Variants in VPS26A observed in about 807,000 individuals in gnomAD.
The protein encoded by VPS26A is vacuolar protein sorting-associated protein 26A.
A neutral mutation model predicts 42.4 loss-of-function variants in VPS26A; 22 were observed. The ratio of observed to expected loss-of-function variants is 0.52; its 90% CI spans 0.37 to 0.74. The LOEUF is 0.74. Among genes scored for constraint, VPS26A ranks in the 30% least tolerant of loss-of-function variants. The pLI is 0.00. For missense variants in VPS26A, 276 were observed against 379.2 expected, an observed-to-expected ratio of 0.73 and a Z score of 2.26; for synonymous variants, 110 against 123.5, an observed-to-expected ratio of 0.89 and a Z score of 0.73.
At chr10:69,130,868 A>C (rs1053458219) in intron 1 of VPS26A, among the ~76,000 whole-genome samples, 2 of 152,006 alleles carry the variant, frequency 1.3e-5, no homozygotes, top group African/African-American at 4.8e-5. Context: ...TATCTCCTCT[A>C]ATTCTATTGC....
At position 69,124,257 on chromosome 10, in the gene VPS26A, G is replaced by T. The variant is rs5030909; in HGVS notation, c.-21G>T. The T allele has an allele frequency of 7.8e-7, 1 of 1,282,580 alleles. No homozygotes were observed. Among genetic ancestry groups the T allele is most frequent in the African/African-American group, 1.5e-5 (1 of 65,704 alleles). The allele number at this position is 1,282,580 out of a possible 1,614,324, so 79.4% of individuals were successfully genotyped here. Reference sequence around the variant, plus strand: ...GAGGGAAGAGGAGTGGAGTAGGGGGGACGCGGCGGCGGCGTTGACAATGGT... The same window carrying T: ...GAGGGAAGAGGAGTGGAGTAGGGGGTACGCGGCGGCGGCGTTGACAATGGT... On this transcript the variant is annotated 5_prime_UTR_variant, in exon 1 of 9. Coordinates refer to ENST00000263559, the MANE Select transcript of VPS26A (RefSeq NM_004896.5).
chr10:69,142,165 G>T (rs778505107), intron 2 of VPS26A, among the ~76,000 whole-genome samples: 4 of 148,836 alleles, frequency 2.7e-5, no homozygotes, highest in Non-Finnish European at 5.9e-5. Flanking sequence ...TTATAGGCGT[G>T]AGCCACCATA....
intron 8 of VPS26A, 143 bp from the exon 9 acceptor site, chr10:69,171,009 GAAGA>G (rs888791495): frequency 5.7e-5 from 37 of 646,238 alleles, no homozygotes; most frequent in Non-Finnish European, 9.4e-5. Flanking sequence ...ATTAGAGCTG[GAAGA>G]AAGTGGAAAA....
At chr10:69,142,073 C>T (rs1169329599) in intron 2 of VPS26A, among the ~76,000 whole-genome samples, 1 of 151,474 alleles carries the variant, frequency 6.6e-6, no homozygotes, top group Admixed American at 6.6e-5. Context: ...TTAGTAGAGA[C>T]GGGGTTTCAC....
intron 2 of VPS26A, among the ~76,000 whole-genome samples, chr10:69,143,069 A>C (rs184693248): frequency 4.3e-4 from 66 of 152,352 alleles, no homozygotes; most frequent in Admixed American, 9.8e-4. Flanking sequence ...TAAATAGGTG[A>C]TCAGTGAACA....
At chr10:69,124,381 G>A (rs1467714555) in intron 1 of VPS26A, 101 bp downstream of exon 1, 1 of 1,188,544 alleles carries the variant, frequency 8.4e-7, no homozygotes, top group Non-Finnish European at 1.1e-6. Context: ...GAGGGGACGG[G>A]GGAGCAGGGC....
intron 1 of VPS26A, among the ~76,000 whole-genome samples, chr10:69,132,431 G>GTTTTTTTTTTTTTTTTTTTTTTTT (rs3086557): frequency 7.1e-6 from 1 of 141,288 alleles, no homozygotes. Flanking sequence ...TTTTGATGTA[G>GTTTTTTTTTTTTTTTTTTTTTTTT]TTTTTTTTTT....
At chr10:69,161,994 CT>C (rs36040871) in intron 5 of VPS26A, 91,338 of 132,450 alleles carry the variant, frequency 0.69, 34,273 homozygotes, top group Non-Finnish European at 0.86. Context: ...CAAAATAGTA[CT>C]TTTTTTTTTT....
At chr10:69,153,498 C>T (rs1841366292) in intron 2 of VPS26A, among the ~76,000 whole-genome samples, 1 of 148,336 alleles carries the variant, frequency 6.7e-6, no homozygotes, top group Non-Finnish European at 1.5e-5. Context: ...CACACACGCC[C>T]CAATACCCAG....
chr10:69,145,768 G>A (rs889192411), intron 2 of VPS26A, among the ~76,000 whole-genome samples: 1 of 149,530 alleles, frequency 6.7e-6, no homozygotes, highest in African/African-American at 2.5e-5. Flanking sequence ...TAATTCACAT[G>A]CCATAAAATT....
Position 69,130,370 on chromosome 10 carries a change from A to C in VPS26A, c.4-2528A>C, listed in dbSNP as rs544121392. 2.0e-5 allele frequency among the ~76,000 whole-genome samples: 3 copies of C among 152,342 alleles called. No homozygotes were observed. In the South Asian group the frequency reaches 6.2e-4, roughly 32 times the overall value. On this transcript the variant is annotated intron_variant, in intron 1 of 8. Transcript: ENST00000263559. ...GGAGAGGGAGTCAAACTGAAACTCA[A>C]AGGGTGAATTAGGTTAAGAATACTT...
intron 2 of VPS26A, among the ~76,000 whole-genome samples, chr10:69,152,164 G>A (rs1202171714): frequency 6.6e-6 from 1 of 151,988 alleles, no homozygotes; most frequent in Non-Finnish European, 1.5e-5. Flanking sequence ...AGTCATGATG[G>A]TGCCACTGCG....
At chr10:69,146,374 C>T (rs553092301) in intron 2 of VPS26A, among the ~76,000 whole-genome samples, 2 of 152,224 alleles carry the variant, frequency 1.3e-5, no homozygotes, top group East Asian at 1.9e-4. Context: ...CGTGAGCCAC[C>T]GTGCCTGGTC....
intron 2 of VPS26A, among the ~76,000 whole-genome samples, chr10:69,141,132 T>G (rs183048445): frequency 2.4e-3 from 360 of 152,350 alleles, no homozygotes; most frequent in African/African-American, 7.7e-3. Flanking sequence ...TGATCTGAGA[T>G]TCTAAAAGGC....
Position 69,128,230 on chromosome 10 carries a change from ATT to A in VPS26A, c.3+3968_3+3969del, listed in dbSNP as rs34855332. Among the ~76,000 whole-genome samples, 1,078 of 121,982 alleles carry A rather than the reference ATT, an allele frequency of 8.8e-3. 6 individuals are homozygous for A. Among genetic ancestry groups the A allele is most frequent in the African/African-American group, 0.027 (927 of 33,772 alleles). 80.0% of individuals were successfully genotyped at this position (121,982 alleles called of 152,430 possible). A position where few individuals can be genotyped will look rare whatever the true frequency, so the allele number is the denominator to read the frequency against. On this transcript the variant is annotated intron_variant, in intron 1 of 8. Coordinates refer to ENST00000263559, the MANE Select transcript of VPS26A (RefSeq NM_004896.5). The stretch of plus-strand genomic sequence containing the variant: ...AAATTTTATTTAACTTTGGGATTTG[ATT>A]TTTTTTTTTTTTTTTTTGAGGCAGA...
At chr10:69,133,701 TA>T in intron 2 of VPS26A, 3 of 854,880 alleles carry the variant, frequency 3.5e-6, no homozygotes, top group Non-Finnish European at 5.0e-6. Context: ...TTTCGTTTTT[TA>T]AATAGGGTCT....
chr10:69,158,684 ATGGGAAATT>A (rs1382977032), intron 5 of VPS26A, among the ~76,000 whole-genome samples: 1 of 152,082 alleles, frequency 6.6e-6, no homozygotes, highest in Non-Finnish European at 1.5e-5. Context: ...AAATTTTATT[ATGGGAAATT>A]TCAAGCATAT....
chr10:69,167,832 A>G (rs1427459553), intron 7 of VPS26A, among the ~76,000 whole-genome samples: 1 of 151,438 alleles, frequency 6.6e-6, no homozygotes, highest in Non-Finnish European at 1.5e-5. Context: ...TCTTTTTGGT[A>G]ATAAAAGAAT....
rs1841438929 is a variant in VPS26A at position 69,156,858 on chromosome 10, G to C, written c.230-149G>C. 7 of 657,506 alleles carry C rather than the reference G, an allele frequency of 1.1e-5. No individual in the cohort carries two copies. In the Admixed American group the frequency reaches 2.3e-4, roughly 22 times the overall value. The allele number at this position is 657,506 out of a possible 1,614,324, so 40.7% of individuals were successfully genotyped here. On this transcript the variant is annotated intron_variant, in intron 3 of 8. Coordinates refer to ENST00000263559, the MANE Select transcript of VPS26A (RefSeq NM_004896.5). Reference sequence around the variant, plus strand: ...CTACATGAAGTATAATTATAAAAAGGATAATGGAATTCAGAGCATAGGTCT... The same window carrying C: ...CTACATGAAGTATAATTATAAAAAGCATAATGGAATTCAGAGCATAGGTCT...
Sources: gnomAD v4.1 joint callset for allele counts (sites outside exome capture counted in the v4.1 genomes callset) on GRCh38, gnomAD v4.1.1 for gene constraint, MANE v1.5 for transcripts, NCBI Gene and HGNC (gene_info 2026-07-23, HGNC 2026-07-21) for gene names.